Variants in CACNA2D1 observed in about 807,000 individuals in gnomAD.
CACNA2D1 encodes calcium voltage-gated channel auxiliary subunit alpha2delta 1, also known as voltage-dependent calcium channel subunit alpha-2/delta-1.
CACNA2D1 carries 53 observed loss-of-function variants against 171.5 expected under a neutral mutation model. The ratio of observed to expected loss-of-function variants is 0.31; its 90% confidence interval spans 0.25 to 0.39. The LOEUF is 0.39. Among genes scored for constraint, CACNA2D1 ranks in the 10% least tolerant of loss-of-function variants. CACNA2D1 has a pLI of 1.00. For missense variants in CACNA2D1, 903 were observed against 1,299.8 expected (o/e 0.69, Z 4.69); for synonymous variants, 442 against 443.1 (o/e 1.00, Z 0.03).
chr7:82,292,374 G>A (rs146766850), intron 3 of CACNA2D1, among the ~76,000 whole-genome samples: 3 of 152,168 alleles, frequency 2.0e-5, no homozygotes, highest in East Asian at 3.9e-4. Context: ...TTGCTTCTTC[G>A]TTTCCAATTT....
At chr7:82,196,828 T>A (rs1233470392) in intron 3 of CACNA2D1, among the ~76,000 whole-genome samples, 1 of 151,564 alleles carries the variant, frequency 6.6e-6, no homozygotes, top group African/African-American at 2.4e-5. Flanking sequence ...TTTTTTTTTT[T>A]ATATATGTGA....
chr7:82,170,184 A>C (rs1258365452), intron 4 of CACNA2D1, among the ~76,000 whole-genome samples: 1 of 151,986 alleles, frequency 6.6e-6, no homozygotes, highest in Non-Finnish European at 1.5e-5. Context: ...AAGTAGTTAA[A>C]AGCAACTTTT....
intron 3 of CACNA2D1, among the ~76,000 whole-genome samples, chr7:82,202,592 G>A (rs1260781244): frequency 6.6e-6 from 1 of 152,178 alleles, no homozygotes; most frequent in Non-Finnish European, 1.5e-5. Flanking sequence ...AGTTGGATGT[G>A]CATTTTTGAC....
intron 3 of CACNA2D1, among the ~76,000 whole-genome samples, chr7:82,240,561 C>A (rs1025688154): frequency 6.6e-6 from 1 of 152,230 alleles, no homozygotes; most frequent in Admixed American, 6.5e-5. Flanking sequence ...ATAAATACAT[C>A]AAAGAATTCT....
chr7:82,148,652 T>C (rs1450261585), intron 4 of CACNA2D1, among the ~76,000 whole-genome samples: 1 of 152,306 alleles, frequency 6.6e-6, no homozygotes, highest in East Asian at 1.9e-4. Flanking sequence ...TTTTTGTTTT[T>C]TTGGAGATGG....
At chr7:82,320,746 C>T (rs1433182926) in intron 3 of CACNA2D1, among the ~76,000 whole-genome samples, 2 of 152,108 alleles carry the variant, frequency 1.3e-5, no homozygotes, top group South Asian at 2.1e-4. Context: ...ATTTCACTTA[C>T]ATGACTTAAG....
chr7:81,959,584 G>A (rs1793854096), intron 37 of CACNA2D1, 136 bp downstream of exon 37: 1 of 994,326 alleles, frequency 1.0e-6, no homozygotes, highest in Non-Finnish European at 1.5e-6. Flanking sequence ...AATTTTGAGT[G>A]AGGAATCGAT....
At chr7:82,265,539 T>G (rs1807732090) in intron 3 of CACNA2D1, among the ~76,000 whole-genome samples, 1 of 151,768 alleles carries the variant, frequency 6.6e-6, no homozygotes, top group African/African-American at 2.4e-5. Flanking sequence ...TCCTTTTGGT[T>G]TATTTGGAGG....
intron 3 of CACNA2D1, among the ~76,000 whole-genome samples, chr7:82,212,674 T>G (rs1296432218): frequency 6.6e-6 from 1 of 152,244 alleles, no homozygotes; most frequent in Non-Finnish European, 1.5e-5. Flanking sequence ...TGAAGCCATT[T>G]GCCCTTTAGA....
intron 1 of CACNA2D1, among the ~76,000 whole-genome samples, chr7:82,438,539 C>T (rs1830268703): frequency 6.6e-6 from 1 of 152,152 alleles, no homozygotes. Context: ...CTGTAAACAA[C>T]ACTACGCAAT....
At chr7:81,974,336 G>C (rs1241243838) in intron 25 of CACNA2D1, 119 bp downstream of exon 25, 1 of 576,082 alleles carries the variant, frequency 1.7e-6, no homozygotes, top group Non-Finnish European at 3.2e-6. Flanking sequence ...CTATTAAAAA[G>C]TTGTAAAGTA....
At chr7:82,391,534 T>C (rs1026399449) in intron 1 of CACNA2D1, among the ~76,000 whole-genome samples, 1 of 152,212 alleles carries the variant, frequency 6.6e-6, no homozygotes, top group Non-Finnish European at 1.5e-5. Flanking sequence ...AGATAGGATA[T>C]AGCCCAAAAA....
At chr7:82,205,733 T>C (rs1339056264) in intron 3 of CACNA2D1, among the ~76,000 whole-genome samples, 1 of 152,106 alleles carries the variant, frequency 6.6e-6, no homozygotes, top group East Asian at 1.9e-4. Flanking sequence ...TTTTCCAAGA[T>C]TACACAAATA....
intron 3 of CACNA2D1, among the ~76,000 whole-genome samples, chr7:82,191,893 A>G (rs1192642669): frequency 6.6e-6 from 1 of 151,832 alleles, no homozygotes; most frequent in Admixed American, 6.6e-5. Flanking sequence ...TTTTCTCTCA[A>G]TGAGGTTTCA....
chr7:82,324,340 A>G (rs992999952), intron 3 of CACNA2D1, among the ~76,000 whole-genome samples: 32 of 151,194 alleles, frequency 2.1e-4, no homozygotes, highest in African/African-American at 7.8e-4. Context: ...CCTGGGCAAC[A>G]AGAGCCAAAC....
At chr7:82,161,707 G>A (rs1011627351) in intron 4 of CACNA2D1, among the ~76,000 whole-genome samples, 4 of 152,034 alleles carry the variant, frequency 2.6e-5, no homozygotes, top group African/African-American at 7.2e-5. Context: ...GTTCACTTGC[G>A]AATGTTAGTC....
chr7:82,147,108 G>T (rs1449805630), intron 4 of CACNA2D1, among the ~76,000 whole-genome samples: 1 of 146,966 alleles, frequency 6.8e-6, no homozygotes, highest in Non-Finnish European at 1.5e-5. Context: ...AAAAAGTGTA[G>T]AGCTTTACAA....
At chr7:82,044,369 AC>A (rs1248029353) in intron 10 of CACNA2D1, among the ~76,000 whole-genome samples, 1 of 152,226 alleles carries the variant, frequency 6.6e-6, no homozygotes, top group Non-Finnish European at 1.5e-5. Flanking sequence ...AATATTTATT[AC>A]TTAACATGTC....
intron 3 of CACNA2D1, among the ~76,000 whole-genome samples, chr7:82,303,033 G>T (rs986027252): frequency 3.9e-5 from 6 of 152,038 alleles, no homozygotes; most frequent in Admixed American, 3.3e-4. Context: ...TCCCTCTGTC[G>T]CCCAGGCTGG....
Sources: allele counts gnomAD v4.1 joint callset (sites outside exome capture counted in the v4.1 genomes callset), GRCh38; gene constraint gnomAD v4.1.1; transcripts MANE v1.5; gene names NCBI Gene and HGNC (gene_info 2026-07-23, HGNC 2026-07-21).